DGKH: variants seen among roughly 807,000 people sequenced by gnomAD.
DGKH encodes DAG kinase eta.
A neutral mutation model predicts 159.3 loss-of-function variants in DGKH; 90 were observed. The ratio of observed to expected loss-of-function variants is 0.57; its 90% CI spans 0.48 to 0.67. The LOEUF (loss-of-function observed/expected upper bound fraction) is 0.67. DGKH is among the 30% of genes least tolerant of loss of function. The probability of loss-of-function intolerance (pLI) is 0.00; values close to 1 mark genes in which losing one functional copy is unlikely to be tolerated. For synonymous variants in DGKH, 536 were observed against 553.8 expected (o/e 0.97, Z 0.45); for missense variants, 1,181 against 1,506.1 (o/e 0.78, Z 3.57).
chr13:42,145,475 C>T (rs367812394), intron 3 of DGKH, among the ~76,000 whole-genome samples: 2 of 152,092 alleles, frequency 1.3e-5, no homozygotes, highest in African/African-American at 2.4e-5. Context: ...AGGATGCTCT[C>T]GGAACCTTCT....
chr13:42,142,931 GTGT>G (rs1566125919), intron 3 of DGKH, among the ~76,000 whole-genome samples: 1 of 151,938 alleles, frequency 6.6e-6, no homozygotes, highest in Non-Finnish European at 1.5e-5. Flanking sequence ...TTCCAACACT[GTGT>G]TGAATAGGAG....
At chr13:42,254,625 C>G (rs1228497428) in intron 30 of DGKH, among the ~76,000 whole-genome samples, 1 of 148,830 alleles carries the variant, frequency 6.7e-6, no homozygotes, top group Non-Finnish European at 1.5e-5. Context: ...AAGCAAAGCT[C>G]CGTCAGAAAA....
chr13:42,206,975 T>TTTCCTTTC lies in DGKH; in HGVS notation c.2601+831_2601+832insCCTTTCTT, dbSNP rs1555275938. On this transcript the variant is annotated intron_variant, in intron 21 of 29. Transcript: ENST00000337343. ...CACAATACCTTTTGGTACTTTTACT[T>TTTCCTTTC]TTTCTTTCTTTCTTTCTTTCTTTCT... Among the ~76,000 whole-genome samples the TTTCCTTTC allele has an allele frequency of 1.5e-3, 123 of 82,376 alleles. 1 individual carries two copies. The highest frequency in any genetic ancestry group is 1.8e-3 in the Non-Finnish European group (73 of 41,528). The allele number at this position is 82,376 out of a possible 152,430, so 54.0% of individuals were successfully genotyped here.
At chr13:42,244,718 A>C (rs1170225883), downstream of DGKH, among the ~76,000 whole-genome samples, 1 of 151,390 alleles carries the variant, frequency 6.6e-6, no homozygotes, top group Non-Finnish European at 1.5e-5. Flanking sequence ...TCCTGGCTAA[A>C]ACGGGGAAAC....
At chr13:42,043,514 T>A (rs887537887) in intron 1 of DGKH, among the ~76,000 whole-genome samples, 4 of 151,642 alleles carry the variant, frequency 2.6e-5, no homozygotes, top group African/African-American at 9.7e-5. Flanking sequence ...TCATTTTGGA[T>A]TTTTTTTGTA....
At chr13:42,165,048 G>A (rs577592454) in intron 7 of DGKH, among the ~76,000 whole-genome samples, 18 of 151,254 alleles carry the variant, frequency 1.2e-4, no homozygotes, top group Non-Finnish European at 2.5e-4. Context: ...TCTGCACTTG[G>A]TCTCTTCTCT....
At chr13:42,250,073 C>A (rs546512823) in intron 29 of DGKH, among the ~76,000 whole-genome samples, 3 of 151,690 alleles carry the variant, frequency 2.0e-5, no homozygotes, top group Non-Finnish European at 4.4e-5. Context: ...CGGGTTCAAG[C>A]GATTCTCCTG....
chr13:42,218,640 C>T (rs577148117), intron 26 of DGKH, among the ~76,000 whole-genome samples: 12 of 151,902 alleles, frequency 7.9e-5, no homozygotes, highest in African/African-American at 2.9e-4. Context: ...TCCCAAGGAG[C>T]TGGGATTACA....
chr13:42,048,083 C>T (rs1382678255), upstream of DGKH, among the ~76,000 whole-genome samples: 2 of 146,814 alleles, frequency 1.4e-5, no homozygotes, highest in Non-Finnish European at 3.0e-5. This position sits in a 1 kb window ranked among gnomAD's most constrained non-coding sequence, Gnocchi z 6.7. Flanking sequence ...ACCCGACGGC[C>T]CTGGCGGAGG....
intron 1 of DGKH, among the ~76,000 whole-genome samples, chr13:42,108,594 T>C (rs1954805481): frequency 6.6e-6 from 1 of 152,182 alleles, no homozygotes; most frequent in Non-Finnish European, 1.5e-5. Context: ...TGAAATAAAA[T>C]GTACTTGAGT....
In DGKH at chr13:42,131,950, G is replaced by T. The variant is rs147456414; in HGVS notation, c.384+2318G>T. ...GTTGGAGACCTAAGGCCAAAACCTT[G>T]CTTATTCCTTCTTTCTTCCACTTGA... On this transcript the variant is annotated intron_variant, in intron 3 of 29. Transcript: ENST00000337343. 3.4e-4 allele frequency among the ~76,000 whole-genome samples: 52 copies of T among 152,264 alleles called. No individual in the cohort carries two copies. In the East Asian group the frequency reaches 9.5e-3, roughly 28 times the overall value.
At chr13:42,244,840 C>G (rs1384263994), downstream of DGKH, among the ~76,000 whole-genome samples, 1 of 124,748 alleles carries the variant, frequency 8.0e-6, no homozygotes, top group Non-Finnish European at 1.6e-5. Context: ...GGAGGCGGAG[C>G]TTGCAGTGAG....
intron 1 of DGKH, among the ~76,000 whole-genome samples, chr13:42,054,536 T>C (rs532331690): frequency 3.3e-5 from 5 of 152,186 alleles, no homozygotes; most frequent in Non-Finnish European, 7.4e-5. Context: ...CTGTGGGCCA[T>C]AAGGTGTCTG....
chr13:42,176,375 A>G (rs1400722446), intron 12 of DGKH, among the ~76,000 whole-genome samples: 2 of 152,014 alleles, frequency 1.3e-5, no homozygotes. Context: ...ATATATTTTC[A>G]TTTTTCTCAT....
At chr13:42,123,132 C>T (rs575114651) in intron 1 of DGKH, among the ~76,000 whole-genome samples, 9 of 152,160 alleles carry the variant, frequency 5.9e-5, no homozygotes, top group Non-Finnish European at 1.0e-4. Flanking sequence ...TACATTAAGT[C>T]GCTAATTCCT....
intron 1 of DGKH, among the ~76,000 whole-genome samples, chr13:42,106,012 A>AT (rs886843274): frequency 9.4e-5 from 14 of 148,660 alleles, no homozygotes; most frequent in East Asian, 3.9e-4. Context: ...TTTTTTTTTA[A>AT]TTTTTTTTAT....
At position 42,229,825 on chromosome 13, in the gene DGKH, A is replaced by C. The variant is rs1029632159; in HGVS notation, c.*637A>C. ...TACTGTAACACTTTAAATAGCTTTC[A>C]TGTCAGTTTTAATGTTAATGGGATT... On this transcript the variant is annotated 3_prime_UTR_variant, in exon 30 of 30. Transcript: ENST00000337343. 2 of 152,276 alleles carry C rather than the reference A, an allele frequency of 1.3e-5. No individual in the cohort carries two copies. The highest frequency in any genetic ancestry group is 2.9e-5 in the Non-Finnish European group (2 of 68,022). 9.4% of individuals were successfully genotyped at this position (152,276 alleles called of 1,614,324 possible).
At chr13:42,245,160 A>C (rs890279629), downstream of DGKH, among the ~76,000 whole-genome samples, 22 of 152,182 alleles carry the variant, frequency 1.4e-4, no homozygotes, top group African/African-American at 4.8e-4. Flanking sequence ...TGAGACAAGC[A>C]AGTGAAATTG....
chr13:42,154,167 TCTG>T (rs1955983741), intron 3 of DGKH, among the ~76,000 whole-genome samples: 1 of 152,220 alleles, frequency 6.6e-6, no homozygotes, highest in Non-Finnish European at 1.5e-5. Context: ...ACTTGTGAAA[TCTG>T]CTCTATAATC....
Sources: gnomAD v4.1 joint callset for allele counts (sites outside exome capture counted in the v4.1 genomes callset) on GRCh38, gnomAD v4.1.1 for gene constraint, Gnocchi (gnomAD v3.1) non-coding constraint, MANE v1.5 for transcripts, NCBI Gene and HGNC (gene_info 2026-07-23, HGNC 2026-07-21) for gene names.